CEP97: variants seen among roughly 807,000 people sequenced by gnomAD.
The protein encoded by CEP97 is centrosomal protein of 97 kDa.
CEP97 carries 43 observed loss-of-function variants against 73.1 expected under a neutral mutation model. The observed-to-expected ratio is 0.59, with a 90% CI of 0.46 to 0.76. The LOEUF is 0.76. Ranked by LOEUF, CEP97 falls within the 30% of genes least tolerant of loss-of-function variation. The pLI is 0.00. For missense variants in CEP97, 939 were observed against 1,014.0 expected (o/e 0.93, Z 1.00); for synonymous variants, 337 against 370.0 (o/e 0.91, Z 1.02).
At chr3:101,730,574 A>AT (rs11293857) in intron 4 of CEP97, among the ~76,000 whole-genome samples, 47,852 of 144,398 alleles carry the variant, frequency 0.33, 7,890 homozygotes, top group Non-Finnish European at 0.35. Context: ...CCAAGTCTGG[A>AT]TTTTTTTTTT....
intron 7 of CEP97, among the ~76,000 whole-genome samples, chr3:101,755,825 G>T (rs1285975647): frequency 2.0e-5 from 3 of 152,100 alleles, no homozygotes; most frequent in African/African-American, 7.2e-5. Context: ...ACAGGGTCTT[G>T]GTCTCTTGGT....
At position 101,757,773 on chromosome 3, in the gene CEP97, G is replaced by A. The variant is rs754077678; in HGVS notation, c.1167G>A (p.Thr389=). Reference sequence around the variant, plus strand: ...ATCTGCACCTGGAAGACATACAGACGGATGAGGACAAGTTAAACTGTAGTC... The same window carrying A: ...ATCTGCACCTGGAAGACATACAGACAGATGAGGACAAGTTAAACTGTAGTC... ...RNDLHLEDIQ[T]DEDKLNCSLL... The change falls in exon 9 of 11, where the codon ACG becomes ACA. Residue 389 remains threonine (T), a synonymous_variant. Coordinates refer to ENST00000341893, the MANE Select transcript of CEP97 (RefSeq NM_024548.4). 6.2e-6 allele frequency: 10 copies of A among 1,614,062 alleles called. No individual in the cohort carries two copies. In the African/African-American group the frequency reaches 6.7e-5, roughly 11 times the overall value.
chr3:101,764,308 A>C (rs1021195375), intron 10 of CEP97, among the ~76,000 whole-genome samples: 3 of 151,960 alleles, frequency 2.0e-5, no homozygotes, highest in Non-Finnish European at 2.9e-5. Flanking sequence ...TCTACAGAAA[A>C]AATTTTAAAA....
intron 8 of CEP97, 103 bp downstream of exon 8, chr3:101,757,299 T>A: frequency 7.8e-7 from 1 of 1,288,638 alleles, no homozygotes; most frequent in Non-Finnish European, 1.1e-6. Flanking sequence ...TTTTGTTAGT[T>A]TACTAACTTC....
At chr3:101,736,851 A>G (rs1414682629) in intron 6 of CEP97, among the ~76,000 whole-genome samples, 1 of 152,242 alleles carries the variant, frequency 6.6e-6, no homozygotes, top group Admixed American at 6.5e-5. Context: ...AATGAGTTTC[A>G]CAAATTGACA....
At chr3:101,741,823 C>T (rs867039799) in intron 6 of CEP97, among the ~76,000 whole-genome samples, 6 of 151,998 alleles carry the variant, frequency 3.9e-5, no homozygotes, top group Admixed American at 6.6e-5. Context: ...AGGTGGATCA[C>T]GAGGTCAGAA....
chr3:101,763,554 G>A (rs1939225659), intron 10 of CEP97, among the ~76,000 whole-genome samples: 1 of 152,134 alleles, frequency 6.6e-6, no homozygotes, highest in South Asian at 2.1e-4. Flanking sequence ...AGTCTGGAAG[G>A]ATATGCATCA....
At chr3:101,753,874 G>A (rs1012390170) in intron 6 of CEP97, among the ~76,000 whole-genome samples, 5 of 152,052 alleles carry the variant, frequency 3.3e-5, no homozygotes, top group African/African-American at 4.8e-5. Context: ...GCAATGCCTC[G>A]CCCTGCTTCG....
chr3:101,752,589 G>C (rs899287524), intron 6 of CEP97, among the ~76,000 whole-genome samples: 1 of 152,036 alleles, frequency 6.6e-6, no homozygotes. Flanking sequence ...GGCTTTGTTC[G>C]TTTCTTTTTA....
At chr3:101,739,471 C>T (rs1409966763) in intron 6 of CEP97, among the ~76,000 whole-genome samples, 1 of 152,164 alleles carries the variant, frequency 6.6e-6, no homozygotes, top group Admixed American at 6.5e-5. Context: ...AGCTTATCCA[C>T]CACGATCAAA....
chr3:101,746,457 G>C (rs1415069137), intron 6 of CEP97, among the ~76,000 whole-genome samples: 2 of 150,588 alleles, frequency 1.3e-5, no homozygotes, highest in African/African-American at 4.9e-5. Context: ...AATGGTGCTG[G>C]GAAAACTGGC....
chr3:101,756,169 C>T (rs531374010), intron 7 of CEP97, among the ~76,000 whole-genome samples: 3 of 149,992 alleles, frequency 2.0e-5, no homozygotes, highest in African/African-American at 4.9e-5. Flanking sequence ...AAATGATTCT[C>T]GGGTCTAAGC....
Position 101,757,857 on chromosome 3 carries a change from T to A in CEP97, c.1251T>A (p.Pro417=). 1.2e-6 allele frequency: 2 copies of A among 1,614,250 alleles called. No individual in the cohort carries two copies. The highest frequency in any genetic ancestry group is 1.7e-6 in the Non-Finnish European group (2 of 1,180,050). ...PVASGLSPLS[P]TVELRLQGIN... is the part of the protein sequence containing the mutation. ...CATCAGGACTGTCTCCACTATCACC[T>A]ACAGTTGAGCTGAGGCTGCAGGGCA... The change falls in exon 9 of 11, where the codon CCT becomes CCA. Residue 417 remains proline (P), a synonymous_variant. Transcript: ENST00000341893.
At chr3:101,753,226 A>T (rs1013270166) in intron 6 of CEP97, among the ~76,000 whole-genome samples, 1 of 152,116 alleles carries the variant, frequency 6.6e-6, no homozygotes, top group African/African-American at 2.4e-5. Context: ...GTGAACTGGG[A>T]ATGCTGCTGT....
intron 6 of CEP97, among the ~76,000 whole-genome samples, chr3:101,746,629 AT>A (rs1398758965): frequency 1.3e-5 from 2 of 151,966 alleles, no homozygotes; most frequent in East Asian, 3.8e-4. Context: ...CAAGGACTTC[AT>A]GTCTAAAACA....
intron 9 of CEP97, 89 bp downstream of exon 9, chr3:101,758,512 T>G (rs922347566): frequency 1.4e-6 from 2 of 1,462,518 alleles, no homozygotes; most frequent in Non-Finnish European, 1.9e-6. Flanking sequence ...GCTTCTGTGA[T>G]TATAACACTT....
At chr3:101,752,869 C>T (rs2107175688) in intron 6 of CEP97, among the ~76,000 whole-genome samples, 1 of 152,174 alleles carries the variant, frequency 6.6e-6, no homozygotes, top group Admixed American at 6.5e-5. Flanking sequence ...GTAGTTTGAT[C>T]TTCTGAAGCC....
chr3:101,765,614 C>G lies in CEP97; in HGVS notation c.*63C>G. The G allele has an allele frequency of 2.9e-6, 4 of 1,391,630 alleles. No homozygotes were observed. Among genetic ancestry groups the G allele is most frequent in the Admixed American group, 2.2e-5 (1 of 44,910 alleles). 86.2% of individuals were successfully genotyped at this position (1,391,630 alleles called of 1,614,324 possible). On this transcript the variant is annotated 3_prime_UTR_variant, in exon 11 of 11. Transcript: ENST00000341893. ...TTAAAAATACTTTCAGTTGCCTTTG[C>G]TTTTTTTTGGAGGGAAATACTCCCT...
intron 9 of CEP97, 22 bp downstream of exon 9, chr3:101,758,445 T>A (rs1349531313): frequency 1.2e-6 from 2 of 1,612,040 alleles, no homozygotes; most frequent in African/African-American, 1.3e-5. Context: ...GTCCTTTTGA[T>A]GCACTGTTTT....
Sources: gnomAD v4.1 joint callset for allele counts (sites outside exome capture counted in the v4.1 genomes callset) on GRCh38, gnomAD v4.1.1 for gene constraint, MANE v1.5 for transcripts, NCBI Gene and HGNC (gene_info 2026-07-23, HGNC 2026-07-21) for gene names.